Variants in PRAG1 observed in about 807,000 individuals in gnomAD.
PRAG1 encodes the protein PEAK1 related, kinase-activating pseudokinase 1.
A neutral mutation model predicts 95.6 loss-of-function variants in PRAG1; 110 were observed. The ratio of observed to expected loss-of-function variants is 1.15; its 90% CI spans 0.99 to 1.35. The LOEUF (loss-of-function observed/expected upper bound fraction) is 1.35. Ranked by LOEUF, PRAG1 falls within the 40% of genes most tolerant of loss-of-function variation. PRAG1 has a pLI of 0.00. For synonymous variants in PRAG1, 1,052 were observed against 819.4 expected (o/e 1.28, Z -4.85); for missense variants, 2,554 against 1,864.7 (o/e 1.37, Z -6.81).
rs1798384281 is a variant in PRAG1, at chr8:8,319,008, A to G, written c.3367T>C (p.Cys1123Arg). ...AEPEAYERRVCFLLLQLCNGL... is the reference protein window; with the variant it reads ...AEPEAYERRVRFLLLQLCNGL... ...TTGCAGAGTTGCAGAAGCAGGAAGCACACGCGCCGCTCGTACGCCTCGGGC... is the reference window on the plus strand; with the variant it reads ...TTGCAGAGTTGCAGAAGCAGGAAGCGCACGCGCCGCTCGTACGCCTCGGGC... The change falls in exon 6 of 6, where the codon TGC becomes CGC. Residue 1123 changes from cysteine to arginine, a missense_variant. Coordinates refer to ENST00000615670, the MANE Select transcript of PRAG1 (RefSeq NM_001080826.3). The G allele has an allele frequency of 6.2e-7, 1 of 1,613,298 alleles. No homozygotes were observed. The highest frequency in any genetic ancestry group is 1.3e-5 in the African/African-American group (1 of 74,886).
In PRAG1 at chr8:8,378,070, C is replaced by T; in HGVS notation, c.339G>A (p.Trp113Ter). The T allele has an allele frequency of 2.0e-6, 3 of 1,534,710 alleles. No homozygotes were observed. The highest frequency in any genetic ancestry group is 1.7e-6 in the Non-Finnish European group (2 of 1,143,310). ...NLSAEVSQVI[W>*]RRAPGKLPLP... Reference sequence around the variant, plus strand: ...GGGGGAGCTTGCCAGGGGCTCGTCTCCAGATGACCTACACACAAGCCCAAC... The same window carrying T: ...GGGGGAGCTTGCCAGGGGCTCGTCTTCAGATGACCTACACACAAGCCCAAC... The change falls in exon 3 of 6, where the codon TGG becomes TGA. Residue 113 changes from tryptophan (W) to a stop codon, truncating the protein, a stop_gained. Transcript: ENST00000615670. LOFTEE classifies it high-confidence loss of function.
At chr8:8,355,337 C>T (rs188347951) in intron 3 of PRAG1, among the ~76,000 whole-genome samples, 1 of 152,124 alleles carries the variant, frequency 6.6e-6, no homozygotes, top group Non-Finnish European at 1.5e-5. Flanking sequence ...GTCCACACCA[C>T]CAAAAGTGAT....
At position 8,318,499 on chromosome 8, in the gene PRAG1, C is replaced by T. The variant is rs746914730; in HGVS notation, c.3876G>A (p.Ala1292=). The T allele has an allele frequency of 3.7e-6, 6 of 1,612,040 alleles. No homozygotes were observed. The highest frequency in any genetic ancestry group is 1.3e-5 in the African/African-American group (1 of 75,046). ...YRQEDLPPLP[A]LSLYSPGLQQ... is the part of the protein sequence containing the mutation. ...GCAGGCCGGGTGAGTAGAGGGACAG[C>T]GCGGGCAGCGGCGGCAGGTCCTCCT... is the stretch of plus-strand genomic sequence containing the variant. Residue 1292 remains alanine, a synonymous_variant, in exon 6 of 6, where the codon GCG becomes GCA. Transcript: ENST00000615670. This position sits in a 1 kb window ranked among gnomAD's most constrained non-coding sequence, Gnocchi z 4.2.
chr8:8,333,287 T>G (rs1405418917), intron 4 of PRAG1, among the ~76,000 whole-genome samples: 2 of 152,346 alleles, frequency 1.3e-5, no homozygotes, highest in East Asian at 3.8e-4. Context: ...GTCCTAAGTT[T>G]TCCTTCGAAT....
At chr8:8,367,428 A>G (rs1472098177) in intron 3 of PRAG1, among the ~76,000 whole-genome samples, 1 of 110,640 alleles carries the variant, frequency 9.0e-6, no homozygotes, top group Admixed American at 1.3e-4. Flanking sequence ...ACTGCACTCC[A>G]GCCTAGGTGA....
intron 4 of PRAG1, among the ~76,000 whole-genome samples, chr8:8,336,274 C>T (rs1043420197): frequency 6.6e-6 from 1 of 152,142 alleles, no homozygotes; most frequent in African/African-American, 2.4e-5. Flanking sequence ...CTCAATGAGA[C>T]ATTAGGTTTG....
chr8:8,371,806 G>A (rs1172378103), intron 3 of PRAG1, among the ~76,000 whole-genome samples: 1 of 152,154 alleles, frequency 6.6e-6, no homozygotes, highest in African/African-American at 2.4e-5. Flanking sequence ...ACAAGTGGAG[G>A]CTGCAGTGAG....
chr8:8,325,232 G>GC (rs911997189), intron 5 of PRAG1, among the ~76,000 whole-genome samples: 10 of 152,060 alleles, frequency 6.6e-5, no homozygotes, highest in Admixed American at 1.3e-4. Context: ...CCCACGGCCC[G>GC]CCCCCCCAAT....
chr8:8,381,568 C>T lies in PRAG1; in HGVS notation c.180G>A (p.Leu60=). ...RAGSLPPPPR[L]PPRPENCRLE... is the part of the protein sequence containing the mutation. ...GGCGGCAGTTCTCAGGCCTGGGAGG[C>T]AGGCGCGGTGGAGGGGGCAGGCTGC... is the stretch of plus-strand genomic sequence containing the variant. The change falls in exon 2 of 6, where the codon CTG becomes CTA. Residue 60 remains leucine (L), a synonymous_variant. Coordinates refer to ENST00000615670, the MANE Select transcript of PRAG1 (RefSeq NM_001080826.3). The T allele has an allele frequency of 1.2e-6, 2 of 1,614,200 alleles. No homozygotes were observed. Among genetic ancestry groups the T allele is most frequent in the South Asian group, 1.1e-5 (1 of 91,088 alleles).
intron 3 of PRAG1, among the ~76,000 whole-genome samples, chr8:8,362,034 A>G (rs939773577): frequency 2.0e-5 from 3 of 152,206 alleles, no homozygotes; most frequent in African/African-American, 7.2e-5. Flanking sequence ...GCTTGCTTAA[A>G]TTCCTAACCT....
At chr8:8,384,566 G>C (rs1367629282) in intron 1 of PRAG1, among the ~76,000 whole-genome samples, 1 of 134,056 alleles carries the variant, frequency 7.5e-6, no homozygotes, top group Non-Finnish European at 1.5e-5. Flanking sequence ...GTTAAAACTG[G>C]TTTCTCAGTC....
Position 8,318,133 on chromosome 8 carries a change from C to A in PRAG1, c.*21G>T, listed in dbSNP as rs796416381. 1 of 1,594,128 alleles carries A rather than the reference C, an allele frequency of 6.3e-7. No individual in the cohort carries two copies. The highest frequency in any genetic ancestry group is 1.3e-5 in the African/African-American group (1 of 74,640). On this transcript the variant is annotated 3_prime_UTR_variant, in exon 6 of 6. Coordinates refer to ENST00000615670, the MANE Select transcript of PRAG1 (RefSeq NM_001080826.3). This position sits in a 1 kb window ranked among gnomAD's most constrained non-coding sequence, Gnocchi z 4.2. ...GGGTTAGGCAGGGAAGGGGCAGCGACGGTGCAGGCTGGGGCTTGGCTCACA... is the reference window on the plus strand; with the variant it reads ...GGGTTAGGCAGGGAAGGGGCAGCGAAGGTGCAGGCTGGGGCTTGGCTCACA...
At chr8:8,360,335 C>T (rs923064721) in intron 3 of PRAG1, among the ~76,000 whole-genome samples, 1 of 152,252 alleles carries the variant, frequency 6.6e-6, no homozygotes, top group African/African-American at 2.4e-5. Flanking sequence ...ATATCCACAG[C>T]CCCTATGGCA....
In PRAG1 at chr8:8,329,389, C is replaced by CTAA. The variant is rs146318226; in HGVS notation, c.2321-931_2321-929dup. Among the ~76,000 whole-genome samples the CTAA allele has an allele frequency of 1.7e-4, 25 of 150,958 alleles. No individual in the cohort carries two copies. In the East Asian group the frequency reaches 2.4e-3, roughly 14 times the overall value. On this transcript the variant is annotated intron_variant, in intron 4 of 5. Coordinates refer to ENST00000615670, the MANE Select transcript of PRAG1 (RefSeq NM_001080826.3). The stretch of plus-strand genomic sequence containing the variant: ...CCTGGGTGGCAGAGTGAAACTTCAT[C>CTAA]TAATAATAATAATAATAATGGGTTG...
intron 3 of PRAG1, among the ~76,000 whole-genome samples, chr8:8,362,245 C>T (rs971444872): frequency 6.6e-6 from 1 of 152,224 alleles, no homozygotes; most frequent in South Asian, 2.1e-4. Flanking sequence ...CATGGAACCA[C>T]AGGTAGCACC....
intron 5 of PRAG1, among the ~76,000 whole-genome samples, chr8:8,324,494 G>A (rs949014375): frequency 6.6e-6 from 1 of 151,810 alleles, no homozygotes; most frequent in East Asian, 1.9e-4. Flanking sequence ...GCCCGCGCCG[G>A]AGATCATTCC....
chr8:8,376,292 C>T lies in PRAG1; in HGVS notation c.2117G>A (p.Ser706Asn). Residue 706 changes from serine (S) to asparagine (N), a missense_variant, in exon 3 of 6, where the codon AGT becomes AAT. Transcript: ENST00000615670. ...AGGAGGTGAGAATGTCTCAATCCCA[C>T]TTCTGTCCTTGGGGAACTCAAAGGC... ...SFAFEFPKDR[S>N]GIETFSPPPP... 2 of 1,614,202 alleles carry T rather than the reference C, an allele frequency of 1.2e-6. No individual in the cohort carries two copies. Among genetic ancestry groups the T allele is most frequent in the Non-Finnish European group, 1.7e-6 (2 of 1,180,034 alleles).
At chr8:8,335,522 C>A (rs1316198931) in intron 4 of PRAG1, among the ~76,000 whole-genome samples, 5 of 151,638 alleles carry the variant, frequency 3.3e-5, no homozygotes, top group Admixed American at 6.6e-5. Context: ...TCATTTTATT[C>A]CTTTCTCTGT....
chr8:8,339,703 A>G, intron 3 of PRAG1, 68 bp from the exon 4 acceptor site: 1 of 1,492,412 alleles, frequency 6.7e-7, no homozygotes, highest in Non-Finnish European at 9.2e-7. Flanking sequence ...AGGCTGATGG[A>G]TCATGAACTT....
Sources: allele counts gnomAD v4.1 joint callset (sites outside exome capture counted in the v4.1 genomes callset), GRCh38; gene constraint gnomAD v4.1.1; non-coding constraint Gnocchi (gnomAD v3.1); transcripts MANE v1.5; gene names NCBI Gene and HGNC (gene_info 2026-07-23, HGNC 2026-07-21).